Variants in BRIP1 observed in about 807,000 individuals in gnomAD.
BRIP1 encodes BRCA1 interacting DNA helicase 1.
BRIP1 carries 88 observed loss-of-function variants against 119.7 expected under a neutral mutation model. The observed-to-expected ratio is 0.74, with a 90% CI of 0.62 to 0.88. The LOEUF (loss-of-function observed/expected upper bound fraction) is 0.88, where lower values mean the gene tolerates loss of function less well. Among genes scored for constraint, BRIP1 ranks in the 40% least tolerant of loss-of-function variants. BRIP1 has a pLI of 0.00. For missense variants in BRIP1, 1,259 were observed against 1,455.4 expected (o/e 0.87, Z 2.20); for synonymous variants, 443 against 496.5 (o/e 0.89, Z 1.43).
chr17:61,765,412 TATATATATATA>T (rs1336237898), intron 14 of BRIP1, among the ~76,000 whole-genome samples: 87 of 17,498 alleles, frequency 5.0e-3, no homozygotes, highest in African/African-American at 0.011. Flanking sequence ...TATATATATA[TATATATATATA>T]TTTTTTTTTT....
At chr17:61,688,568 C>G (rs769228186) in intron 18 of BRIP1, among the ~76,000 whole-genome samples, 3 of 152,054 alleles carry the variant, frequency 2.0e-5, no homozygotes, top group Non-Finnish European at 4.4e-5. Flanking sequence ...GTTTGAGAGG[C>G]TCCCAGAATG....
chr17:61,743,024 T>C lies in BRIP1; in HGVS notation c.2368A>G (p.Lys790Glu). The change falls in exon 16 of 20, where the codon AAA becomes GAA. Residue 790 changes from lysine (K) to glutamate (E), a missense_variant. Physicochemically the swap from Lys to Glu is moderately conservative, Grantham distance 56 (BLOSUM62 1). Transcript: ENST00000259008. The surrounding 1 kb of genome is among the most constrained non-coding windows in gnomAD (Gnocchi z 4.3). Reference protein sequence around the residue: ...ITIGIPFPNVKDLQVELKRQY... With the variant: ...ITIGIPFPNVEDLQVELKRQY... The stretch of plus-strand genomic sequence containing the variant: ...TTTTGATGGCCTACCTGTAGATCTT[T>C]CACATTTGGAAAAGGAATTCCTATT... 6.2e-7 allele frequency: 1 copy of C among 1,614,004 alleles called. No homozygotes were observed. The highest frequency in any genetic ancestry group is 8.5e-7 in the Non-Finnish European group (1 of 1,179,918).
rs2077909828 is a variant in BRIP1 at position 61,796,992 on chromosome 17, A to G, written c.1340+2108T>C. Among the ~76,000 whole-genome samples, 1 of 152,044 alleles carries G rather than the reference A, an allele frequency of 6.6e-6. No homozygotes were observed. Among genetic ancestry groups the G allele is most frequent in the Admixed American group, 6.6e-5 (1 of 15,218 alleles). On this transcript the variant is annotated intron_variant, in intron 9 of 19. Transcript: ENST00000259008. The surrounding 1 kb of genome is among the most constrained non-coding windows in gnomAD (Gnocchi z 4.8). ...CATACTGTTTGCTTAGATGAGGAAGACTGGGGAGAAAACAGAACACAGGAA... is the reference window on the plus strand; with the variant it reads ...CATACTGTTTGCTTAGATGAGGAAGGCTGGGGAGAAAACAGAACACAGGAA...
At chr17:61,811,130 G>T (rs2078154545) in intron 6 of BRIP1, among the ~76,000 whole-genome samples, 1 of 151,950 alleles carries the variant, frequency 6.6e-6, no homozygotes, top group South Asian at 2.1e-4. Context: ...GTTTTTGTTT[G>T]TTTTTTTAAG....
intron 6 of BRIP1, among the ~76,000 whole-genome samples, chr17:61,838,499 G>A (rs1414448186): frequency 3.3e-5 from 5 of 151,484 alleles, no homozygotes; most frequent in South Asian, 2.1e-4. Flanking sequence ...TGAGCCGATC[G>A]CGCCACTGCA....
chr17:61,795,805 T>A lies in BRIP1; in HGVS notation c.1341-2076A>T, dbSNP rs1165416820. On this transcript the variant is annotated intron_variant, in intron 9 of 19. Transcript: ENST00000259008. The surrounding 1 kb of genome is among the most constrained non-coding windows in gnomAD (Gnocchi z 5.6). Reference sequence around the variant, plus strand: ...ATTGCTGGATCGTTTGGTAGCTCTATTTTAAGTTTTTTGAGGAACTTCCAA... The same window carrying A: ...ATTGCTGGATCGTTTGGTAGCTCTAATTTAAGTTTTTTGAGGAACTTCCAA... 6.6e-6 allele frequency among the ~76,000 whole-genome samples: 1 copy of A among 152,248 alleles called. No homozygotes were observed. The highest frequency in any genetic ancestry group is 1.9e-4 in the East Asian group (1 of 5,178).
At position 61,759,122 on chromosome 17, in the gene BRIP1, T is replaced by C. The variant is rs1175058061; in HGVS notation, c.2098-14531A>G. Among the ~76,000 whole-genome samples, 1 of 152,094 alleles carries C rather than the reference T, an allele frequency of 6.6e-6. No individual in the cohort carries two copies. Among genetic ancestry groups the C allele is most frequent in the Non-Finnish European group, 1.5e-5 (1 of 68,016 alleles). On this transcript the variant is annotated intron_variant, in intron 14 of 19. Transcript: ENST00000259008. This position sits in a 1 kb window ranked among gnomAD's most constrained non-coding sequence, Gnocchi z 4.9. Reference sequence around the variant, plus strand: ...ACTCTAGCAAAAAGACATAGAGTCTTAATTCCCAGAGCAATTTAGAAAGAG... The same window carrying C: ...ACTCTAGCAAAAAGACATAGAGTCTCAATTCCCAGAGCAATTTAGAAAGAG...
chr17:61,836,268 A>C (rs1218068777), intron 6 of BRIP1, among the ~76,000 whole-genome samples: 2 of 151,582 alleles, frequency 1.3e-5, no homozygotes, highest in Non-Finnish European at 2.9e-5. Flanking sequence ...GAGCCACCAC[A>C]CCAAGCTAAT....
intron 17 of BRIP1, among the ~76,000 whole-genome samples, chr17:61,696,423 G>A (rs181593367): frequency 7.8e-4 from 118 of 151,822 alleles, no homozygotes; most frequent in Non-Finnish European, 1.5e-3. Flanking sequence ...TTCTTTTCTC[G>A]TAATGTATTT....
intron 6 of BRIP1, among the ~76,000 whole-genome samples, chr17:61,826,133 A>C (rs2078403701): frequency 1.3e-5 from 2 of 152,230 alleles, no homozygotes; most frequent in Admixed American, 1.3e-4. Flanking sequence ...CAAACCTACC[A>C]AAAACAAGCA....
At position 61,686,160 on chromosome 17, in the gene BRIP1, A is replaced by G. The variant is rs1567732145; in HGVS notation, c.2581T>C (p.Ser861Pro). 4 of 1,614,062 alleles carry G rather than the reference A, an allele frequency of 2.5e-6. No homozygotes were observed. Among genetic ancestry groups the G allele is most frequent in the Non-Finnish European group, 3.4e-6 (4 of 1,179,922 alleles). The change falls in exon 19 of 20, where the codon TCT (serine) becomes CCT (proline). Residue 861 changes from serine to proline, a missense_variant. Coordinates refer to ENST00000259008, the MANE Select transcript of BRIP1 (RefSeq NM_032043.3). This position sits in a 1 kb window ranked among gnomAD's most constrained non-coding sequence, Gnocchi z 5.4. ...TGAATCTGCTGCCGTACCCATTTAG[A>G]AAGTCCTAAAGAAAAAGGTAAACCC... ...NNPSRYISGL[S>P]KWVRQQIQHH...
chr17:61,798,697 CTT>C lies in BRIP1; in HGVS notation c.1340+401_1340+402del, dbSNP rs36001990. On this transcript the variant is annotated intron_variant, in intron 9 of 19. Coordinates refer to ENST00000259008, the MANE Select transcript of BRIP1 (RefSeq NM_032043.3). The surrounding 1 kb of genome is among the most constrained non-coding windows in gnomAD (Gnocchi z 5.5). The stretch of plus-strand genomic sequence containing the variant: ...ATATATTATTTTAGAGTACTGAAAT[CTT>C]GATTAATTAAAACCCATGAAACTAG... Among the ~76,000 whole-genome samples, 1 of 151,980 alleles carries C rather than the reference CTT, an allele frequency of 6.6e-6. No homozygotes were observed. The highest frequency in any genetic ancestry group is 1.9e-4 in the East Asian group (1 of 5,178).
In BRIP1 at chr17:61,728,017, C is replaced by T. The variant is rs925548403; in HGVS notation, c.2380-11954G>A. On this transcript the variant is annotated intron_variant, in intron 16 of 19. Coordinates refer to ENST00000259008, the MANE Select transcript of BRIP1 (RefSeq NM_032043.3). ...CTAATTTTTGTATTTTTAGTAGACA[C>T]GGGGTTTCGCCATGTTGGTCAGGCT... 6.6e-5 allele frequency among the ~76,000 whole-genome samples: 10 copies of T among 151,528 alleles called. No individual in the cohort carries two copies. In the South Asian group the frequency reaches 1.0e-3, roughly 16 times the overall value.
chr17:61,808,673 T>G lies in BRIP1; in HGVS notation c.712A>C (p.Thr238Pro), dbSNP rs1490001091. 4 of 1,613,880 alleles carry G rather than the reference T, an allele frequency of 2.5e-6. No individual in the cohort carries two copies. The highest frequency in any genetic ancestry group is 3.4e-6 in the Non-Finnish European group (4 of 1,179,868). ...ATTTTGGGTATCTTGGATTTCCCTG[T>G]ATGATCCTTCTTAATGGTATTCGAT... ...ESSNTIKKDHTGKSKIPKIYF... is the reference protein window; with the variant it reads ...ESSNTIKKDHPGKSKIPKIYF... Residue 238 changes from threonine to proline, a missense_variant, in exon 7 of 20, where the codon ACA (threonine) becomes CCA (proline). This residue lies in a region of BRIP1 where 501 missense variants were observed against 544.0 expected (regional missense o/e 0.92). Transcript: ENST00000259008. This position sits in a 1 kb window ranked among gnomAD's most constrained non-coding sequence, Gnocchi z 4.1.
At chr17:61,711,793 G>C (rs765399185) in intron 17 of BRIP1, among the ~76,000 whole-genome samples, 3 of 151,920 alleles carry the variant, frequency 2.0e-5, no homozygotes, top group Non-Finnish European at 2.9e-5. Flanking sequence ...GCTTGAACCT[G>C]GGAGGTAGAG....
At position 61,765,497 on chromosome 17, in the gene BRIP1, G is replaced by A. The variant is rs543414262; in HGVS notation, c.2097+10904C>T. On this transcript the variant is annotated intron_variant, in intron 14 of 19. Transcript: ENST00000259008. ...TATTGCCCAGGCTGGAGTGCATGGC[G>A]TGATCTTGGCTCACTGCAACCTCCG... is the stretch of plus-strand genomic sequence containing the variant. Among the ~76,000 whole-genome samples, 21 of 126,338 alleles carry A rather than the reference G, an allele frequency of 1.7e-4. No homozygotes were observed. The South Asian group carries it at 4.8e-3, about 29-fold the overall frequency. 82.9% of individuals were successfully genotyped at this position (126,338 alleles called of 152,430 possible). A position where few individuals can be genotyped will look rare whatever the true frequency, so the allele number is the denominator to read the frequency against.
At chr17:61,733,375 A>C (rs1278684888) in intron 16 of BRIP1, among the ~76,000 whole-genome samples, 1 of 152,184 alleles carries the variant, frequency 6.6e-6, no homozygotes, top group Non-Finnish European at 1.5e-5. Context: ...TTTTAATTCC[A>C]ATACTACCAT....
chr17:61,681,335 C>A lies in BRIP1; in HGVS notation c.*1961G>T, dbSNP rs2061266847. 1 of 210,394 alleles carries A rather than the reference C, an allele frequency of 4.8e-6. No individual in the cohort carries two copies. The highest frequency in any genetic ancestry group is 9.6e-6 in the Non-Finnish European group (1 of 103,772). 13.0% of individuals were successfully genotyped at this position (210,394 alleles called of 1,614,324 possible). A position where few individuals can be genotyped will look rare whatever the true frequency, so the allele number is the denominator to read the frequency against. ...GAACAAAAGCAAATGAAAATCGACT[C>A]AGAATATCAACAGACATTCCTTTAT... On this transcript the variant is annotated 3_prime_UTR_variant, in exon 20 of 20. Coordinates refer to ENST00000259008, the MANE Select transcript of BRIP1 (RefSeq NM_032043.3). The surrounding 1 kb of genome is among the most constrained non-coding windows in gnomAD (Gnocchi z 5.1).
intron 6 of BRIP1, among the ~76,000 whole-genome samples, chr17:61,818,107 C>T (rs956598475): frequency 5.2e-5 from 7 of 134,726 alleles, no homozygotes; most frequent in South Asian, 4.6e-4. Context: ...AATCCCAGCA[C>T]TTTGGGAGGC....
Sources: gnomAD v4.1 joint callset for allele counts (sites outside exome capture counted in the v4.1 genomes callset) on GRCh38, gnomAD v4.1.1 for gene constraint, gnomAD v4.1.1 regional missense constraint, Gnocchi (gnomAD v3.1) non-coding constraint, MANE v1.5 for transcripts, NCBI Gene and HGNC (gene_info 2026-07-23, HGNC 2026-07-21) for gene names.